Variants in PARP16 observed in about 807,000 individuals in gnomAD.
The protein encoded by PARP16 is protein mono-ADP-ribosyltransferase PARP16.
In PARP16, 31 loss-of-function variants were observed where a neutral mutation model predicts 35.0. The observed-to-expected ratio is 0.88, with a 90% confidence interval of 0.66 to 1.19. The LOEUF is 1.19. Ranked by LOEUF, PARP16 falls within the 50% of genes most tolerant of loss-of-function variation. PARP16 has a pLI of 0.00. For missense variants in PARP16, 424 were observed against 411.2 expected (o/e 1.03, Z -0.27); for synonymous variants, 162 against 169.5 (o/e 0.96, Z 0.34).
At chr15:65,275,182 G>A (rs2090214169) in intron 1 of PARP16, among the ~76,000 whole-genome samples, 1 of 152,142 alleles carries the variant, frequency 6.6e-6, no homozygotes, top group South Asian at 2.1e-4. Flanking sequence ...GACAAGGTGG[G>A]ACTCCTGTTG....
At position 65,241,937 on chromosome 15, in the gene PARP16, GT is replaced by G. The variant is rs372006628; in HGVS notation, c.*97+6179del. On this transcript the variant is annotated intron_variant and NMD_transcript_variant, in intron 3 of 3. Coordinates refer to the PARP16 transcript ENST00000559805. ...ATAAACCTTTTCACTGATTATTAGT[GT>G]TTTGCCCAACCTAAGGTTATAAAGA... Among the ~76,000 whole-genome samples the G allele has an allele frequency of 3.9e-3, 590 of 152,214 alleles. 4 individuals are homozygous for G. Among genetic ancestry groups the G allele is most frequent in the African/African-American group, 0.014 (569 of 41,534 alleles).
At chr15:65,252,997 G>A (rs965445490) in intron 2 of PARP16, among the ~76,000 whole-genome samples, 3 of 152,030 alleles carry the variant, frequency 2.0e-5, no homozygotes, top group African/African-American at 7.2e-5. Context: ...GGACATGGTG[G>A]CACATGCCTG....
At chr15:65,282,986 A>G (rs967991938) in intron 1 of PARP16, among the ~76,000 whole-genome samples, 2 of 152,214 alleles carry the variant, frequency 1.3e-5, no homozygotes, top group Admixed American at 6.5e-5. Context: ...TTAAAAATAA[A>G]TTTTAAAAAG....
intron 3 of PARP16, among the ~76,000 whole-genome samples, chr15:65,243,127 T>C (rs1449993295): frequency 6.6e-6 from 1 of 152,240 alleles, no homozygotes; most frequent in African/African-American, 2.4e-5. Flanking sequence ...GTTTATATTT[T>C]TCTTCCTATA....
chr15:65,248,354 T>C, intron 2 of PARP16: 1 of 448,914 alleles, frequency 2.2e-6, no homozygotes, highest in Non-Finnish European at 4.5e-6. Context: ...AGAGGCTCAC[T>C]GACATATTAT....
intron 1 of PARP16, among the ~76,000 whole-genome samples, chr15:65,284,337 C>CTTTTTTTTTTTTTTTT (rs34254507): frequency 1.5e-5 from 1 of 67,076 alleles, no homozygotes; most frequent in Non-Finnish European, 2.7e-5. Flanking sequence ...TTTCTTTCCT[C>CTTTTTTTTTTTTTTTT]TTTTTTTTTT....
intron 1 of PARP16, among the ~76,000 whole-genome samples, chr15:65,276,368 A>G (rs1400385814): frequency 6.6e-6 from 1 of 151,780 alleles, no homozygotes; most frequent in African/African-American, 2.4e-5. Context: ...ACAACAAAAG[A>G]CCCATTTTGT....
At chr15:65,233,918 A>T (rs185933617), downstream of PARP16, among the ~76,000 whole-genome samples, 2,136 of 151,890 alleles carry the variant, frequency 0.014, 47 homozygotes, top group African/African-American at 0.043. Flanking sequence ...CAGTAAAAAA[A>T]TTTTTTTTCT....
intron 2 of PARP16, among the ~76,000 whole-genome samples, chr15:65,252,049 C>T (rs868294488): frequency 2.0e-5 from 3 of 152,112 alleles, no homozygotes; most frequent in African/African-American, 4.8e-5. Context: ...CAGGTGTAAG[C>T]CACTGCACCC....
chr15:65,259,327 G>T lies in PARP16; in HGVS notation c.*80C>A. ...ACTGGCCCCTAGGCTCAACCTGGCTGGACATGAGGCATAGGAGGTACAGAA... is the reference window on the plus strand; with the variant it reads ...ACTGGCCCCTAGGCTCAACCTGGCTTGACATGAGGCATAGGAGGTACAGAA... On this transcript the variant is annotated 3_prime_UTR_variant, in exon 6 of 6. Coordinates refer to ENST00000649807, the MANE Select transcript of PARP16 (RefSeq NM_001316943.2). 1 of 1,456,556 alleles carries T rather than the reference G, an allele frequency of 6.9e-7. No individual in the cohort carries two copies. The highest frequency in any genetic ancestry group is 1.2e-5 in the South Asian group (1 of 84,208). The allele number at this position is 1,456,556 out of a possible 1,614,324, so 90.2% of individuals were successfully genotyped here.
intron 1 of PARP16, 112 bp from the exon 2 acceptor site, chr15:65,271,184 CCTG>C: frequency 1.0e-6 from 1 of 971,526 alleles, no homozygotes; most frequent in Non-Finnish European, 1.6e-6. Context: ...CAAGGGATCT[CCTG>C]AGAGGAAATT....
chr15:65,271,810 T>C (rs1335389243), intron 1 of PARP16, among the ~76,000 whole-genome samples: 1 of 152,222 alleles, frequency 6.6e-6, no homozygotes, highest in East Asian at 1.9e-4. Flanking sequence ...GAGAATTAGT[T>C]AACTTCTGTT....
At chr15:65,285,765 A>T (rs941737446) in intron 1 of PARP16, among the ~76,000 whole-genome samples, 1 of 152,224 alleles carries the variant, frequency 6.6e-6, no homozygotes, top group African/African-American at 2.4e-5. Context: ...TGCCTGGTGA[A>T]TCAGAGAAAT....
At chr15:65,240,322 TAG>T (rs1491482180) in intron 3 of PARP16, among the ~76,000 whole-genome samples, 1 of 45,986 alleles carries the variant, frequency 2.2e-5, no homozygotes, top group Non-Finnish European at 4.2e-5. Context: ...TGGGGGGGGC[TAG>T]TGTGTGTGTG....
chr15:65,253,565 C>T (rs1162134445), downstream of PARP16, among the ~76,000 whole-genome samples: 1 of 151,914 alleles, frequency 6.6e-6, no homozygotes, highest in Admixed American at 6.6e-5. Context: ...CTCCTGACCT[C>T]GTGATCCGCC....
At chr15:65,269,870 C>T (rs1404503692) in intron 2 of PARP16, among the ~76,000 whole-genome samples, 5 of 152,046 alleles carry the variant, frequency 3.3e-5, no homozygotes, top group African/African-American at 1.2e-4. Context: ...GTGCTTGATG[C>T]CCATATGAGG....
At chr15:65,241,102 T>G (rs2089065787) in intron 3 of PARP16, among the ~76,000 whole-genome samples, 3 of 146,804 alleles carry the variant, frequency 2.0e-5, no homozygotes, top group Admixed American at 6.9e-5. Context: ...TCCCAAAGTA[T>G]TGGGATTACA....
At chr15:65,245,371 C>A (rs2089182663) in intron 3 of PARP16, among the ~76,000 whole-genome samples, 1 of 152,234 alleles carries the variant, frequency 6.6e-6, no homozygotes, top group African/African-American at 2.4e-5. Context: ...AGAACATGAG[C>A]CTGTACCTCT....
chr15:65,247,737 C>G (rs1056498500), intron 3 of PARP16, among the ~76,000 whole-genome samples: 10 of 151,024 alleles, frequency 6.6e-5, no homozygotes, highest in Non-Finnish European at 1.5e-4. Context: ...CACAGACAGA[C>G]ACACAGAGAC....
Sources: gnomAD v4.1 joint callset for allele counts (sites outside exome capture counted in the v4.1 genomes callset) on GRCh38, gnomAD v4.1.1 for gene constraint, MANE v1.5 for transcripts, NCBI Gene and HGNC (gene_info 2026-07-23, HGNC 2026-07-21) for gene names.